KCNMA1: variants seen among roughly 807,000 people sequenced by gnomAD.
KCNMA1 encodes the protein Calcium-activated potassium channel subunit alpha-1.
In KCNMA1, 29 loss-of-function variants were observed where a neutral mutation model predicts 140.0. That is an observed-to-expected ratio of 0.21 (90% confidence interval 0.15 to 0.28). The LOEUF is 0.28. Ranked by LOEUF, KCNMA1 falls within the 10% of genes least tolerant of loss-of-function variation. The pLI is 1.00. For synonymous variants in KCNMA1, 612 were observed against 611.9 expected (o/e 1.00, Z 0.00); for missense variants, 880 against 1,602.2 (o/e 0.55, Z 7.70).
At chr10:76,884,685 C>T (rs188146831), downstream of KCNMA1, 1 of 292,450 alleles carries the variant, frequency 3.4e-6, no homozygotes, top group East Asian at 6.0e-5. Flanking sequence ...AACACCAAAA[C>T]AAACTCTAAG....
chr10:77,169,346 C>T (rs947261591), intron 5 of KCNMA1, among the ~76,000 whole-genome samples: 6 of 151,894 alleles, frequency 4.0e-5, no homozygotes, highest in Non-Finnish European at 5.9e-5. Context: ...AGAAGGAAGA[C>T]CATGAGACTG....
intron 23 of KCNMA1, among the ~76,000 whole-genome samples, chr10:76,925,302 G>C (rs1414216763): frequency 6.6e-6 from 1 of 152,006 alleles, no homozygotes; most frequent in Non-Finnish European, 1.5e-5. Flanking sequence ...CTTAATTCCT[G>C]TTCTGGGACC....
chr10:77,345,713 C>G (rs150251215), intron 2 of KCNMA1, among the ~76,000 whole-genome samples: 4 of 152,312 alleles, frequency 2.6e-5, no homozygotes, highest in South Asian at 2.1e-4. Context: ...GCAAATACCC[C>G]CTACTCTGCA....
At chr10:77,620,296 G>A (rs900380558) in intron 1 of KCNMA1, among the ~76,000 whole-genome samples, 5 of 152,142 alleles carry the variant, frequency 3.3e-5, no homozygotes, top group Non-Finnish European at 5.9e-5. Context: ...TAAGGAGACT[G>A]CTGTGGCCTG....
chr10:77,401,537 A>G (rs2096266720), intron 2 of KCNMA1, among the ~76,000 whole-genome samples: 2 of 152,000 alleles, frequency 1.3e-5, no homozygotes, highest in South Asian at 4.2e-4. Flanking sequence ...TGCACCCCCC[A>G]TTTCCCAGAG....
intron 23 of KCNMA1, among the ~76,000 whole-genome samples, chr10:76,927,727 C>G (rs2058121187): frequency 6.6e-6 from 1 of 152,122 alleles, no homozygotes; most frequent in African/African-American, 2.4e-5. Flanking sequence ...GAAACAACAC[C>G]ACTTCGCGAA....
intron 1 of KCNMA1, among the ~76,000 whole-genome samples, chr10:77,548,810 G>A (rs926761953): frequency 6.6e-6 from 1 of 152,204 alleles, no homozygotes; most frequent in Non-Finnish European, 1.5e-5. Flanking sequence ...GCTCAGTCAT[G>A]CAACAAGTAA....
At position 77,108,645 on chromosome 10, in the gene KCNMA1, G is replaced by A. The variant is rs532923360; in HGVS notation, c.1132-73C>T. ...AAAGGGGGGACCTGTTCAGAGGGTG[G>A]GGGCACTAAGATCTGAAAACACAAA... On this transcript the variant is annotated intron_variant, in intron 8 of 27. Transcript: ENST00000286628. The surrounding 1 kb of genome is among the most constrained non-coding windows in gnomAD (Gnocchi z 4.6). 48 of 1,089,676 alleles carry A rather than the reference G, an allele frequency of 4.4e-5. No individual in the cohort carries two copies. In the African/African-American group the frequency reaches 6.0e-4, roughly 14 times the overall value. 67.5% of individuals were successfully genotyped at this position (1,089,676 alleles called of 1,614,324 possible).
intron 2 of KCNMA1, among the ~76,000 whole-genome samples, chr10:77,369,626 C>T (rs1372120546): frequency 1.3e-5 from 2 of 152,178 alleles, no homozygotes; most frequent in African/African-American, 4.8e-5. Flanking sequence ...TCCTCTGAGG[C>T]CCCACCTATA....
intron 2 of KCNMA1, among the ~76,000 whole-genome samples, chr10:77,253,168 G>A (rs555325117): frequency 2.0e-5 from 3 of 152,306 alleles, no homozygotes; most frequent in South Asian, 4.1e-4. Context: ...TCCTGGCCCT[G>A]ACCTCATTCT....
chr10:77,102,031 G>T (rs1195156629), intron 9 of KCNMA1, among the ~76,000 whole-genome samples: 1 of 152,202 alleles, frequency 6.6e-6, no homozygotes, highest in Non-Finnish European at 1.5e-5. Context: ...TGGCCAAATA[G>T]TACGATGTGT....
chr10:77,506,686 G>A (rs2046141186), intron 1 of KCNMA1, among the ~76,000 whole-genome samples: 1 of 145,276 alleles, frequency 6.9e-6, no homozygotes, highest in African/African-American at 2.6e-5. Flanking sequence ...TATGAAGAGA[G>A]AGAGGGAAAG....
At chr10:77,237,205 CA>C (rs1258654660) in intron 3 of KCNMA1, among the ~76,000 whole-genome samples, 1 of 152,220 alleles carries the variant, frequency 6.6e-6, no homozygotes, top group Non-Finnish European at 1.5e-5. Context: ...TCAAGCTGGG[CA>C]CTGTACTAAG....
chr10:76,885,790 A>G lies in KCNMA1; in HGVS notation c.*1476T>C. On this transcript the variant is annotated 3_prime_UTR_variant, in exon 28 of 28. Transcript: ENST00000286628. ...CAAAGCATCTGACAACTATATGTTG[A>G]AAAAAGGGTATTTTTCTACCTCTCC... The G allele has an allele frequency of 1.0e-6, 1 of 985,186 alleles. No homozygotes were observed. Among genetic ancestry groups the G allele is most frequent in the African/African-American group, 1.7e-5 (1 of 57,360 alleles). 61.0% of individuals were successfully genotyped at this position (985,186 alleles called of 1,614,324 possible). A position where few individuals can be genotyped will look rare whatever the true frequency, so the allele number is the denominator to read the frequency against.
intron 1 of KCNMA1, among the ~76,000 whole-genome samples, chr10:77,442,000 C>T (rs1353296623): frequency 6.6e-6 from 1 of 152,186 alleles, no homozygotes; most frequent in Non-Finnish European, 1.5e-5. Flanking sequence ...CTAGGGACAG[C>T]CCTGTCTCAA....
At chr10:76,985,636 T>C (rs116234628) in intron 19 of KCNMA1, among the ~76,000 whole-genome samples, 2,159 of 152,262 alleles carry the variant, frequency 0.014, 63 homozygotes, top group African/African-American at 0.048. Context: ...CTACCTGTCA[T>C]TTTTCAGGAA....
chr10:76,879,588 T>C (rs574245320), intron 29 of KCNMA1, among the ~76,000 whole-genome samples: 33 of 152,124 alleles, frequency 2.2e-4, no homozygotes, highest in East Asian at 5.8e-4. Context: ...TTTTTTTTTT[T>C]CCCTAAGCTT....
chr10:77,418,923 A>G (rs979669800), intron 1 of KCNMA1, among the ~76,000 whole-genome samples: 2 of 152,176 alleles, frequency 1.3e-5, no homozygotes, highest in Admixed American at 6.5e-5. Flanking sequence ...TCCTTTTCAG[A>G]CTGGCCTCCT....
At chr10:77,505,785 A>C (rs775799241) in intron 1 of KCNMA1, among the ~76,000 whole-genome samples, 1 of 152,206 alleles carries the variant, frequency 6.6e-6, no homozygotes, top group Non-Finnish European at 1.5e-5. Flanking sequence ...GAGCCATGAA[A>C]GAGTATTTGT....
Sources: allele counts gnomAD v4.1 joint callset (sites outside exome capture counted in the v4.1 genomes callset), GRCh38; gene constraint gnomAD v4.1.1; non-coding constraint Gnocchi (gnomAD v3.1); transcripts MANE v1.5; gene names NCBI Gene and HGNC (gene_info 2026-07-23, HGNC 2026-07-21).